The following FHIT variants were observed in gnomAD, a reference collection of about 807,000 sequenced individuals.
FHIT encodes the protein fragile histidine triad diadenosine triphosphatase.
In FHIT, 19 loss-of-function variants were observed where a neutral mutation model predicts 17.9. That is an observed-to-expected ratio of 1.06 (90% confidence interval 0.74 to 1.56). FHIT has a LOEUF of 1.56. Among genes scored for constraint, FHIT ranks in the 40% most tolerant of loss-of-function variants. The pLI, the probability that FHIT is intolerant of heterozygous loss-of-function variation, is 0.00. For synonymous variants in FHIT, 81 were observed against 69.7 expected (o/e 1.16, Z -0.81); for missense variants, 248 against 189.2 (o/e 1.31, Z -1.82).
At chr3:60,756,164 C>A (rs2042567081) in intron 4 of FHIT, among the ~76,000 whole-genome samples, 1 of 152,214 alleles carries the variant, frequency 6.6e-6, no homozygotes, top group African/African-American at 2.4e-5. Context: ...AGACAAAAAA[C>A]TTCAATGCAT....
chr3:59,909,259 C>G (rs1406902787), intron 8 of FHIT, among the ~76,000 whole-genome samples: 1 of 151,998 alleles, frequency 6.6e-6, no homozygotes, highest in African/African-American at 2.4e-5. Context: ...ATCTGGAACT[C>G]CTGATCTCAT....
intron 5 of FHIT, among the ~76,000 whole-genome samples, chr3:60,353,239 C>T (rs1268251753): frequency 6.6e-6 from 1 of 152,116 alleles, no homozygotes; most frequent in Non-Finnish European, 1.5e-5. Context: ...TCTCTAACTA[C>T]CTCTTCCATC....
chr3:60,561,940 G>C (rs1360838839), intron 4 of FHIT, among the ~76,000 whole-genome samples: 5 of 146,080 alleles, frequency 3.4e-5, no homozygotes, highest in Non-Finnish European at 4.5e-5. Context: ...AAAAGAGAAA[G>C]AGAGAAACAG....
At chr3:61,219,178 T>C (rs938767872) in intron 1 of FHIT, among the ~76,000 whole-genome samples, 2 of 152,144 alleles carry the variant, frequency 1.3e-5, no homozygotes, top group African/African-American at 4.8e-5. Context: ...ATGGTAAAAA[T>C]ATAGTATTAT....
At chr3:60,131,004 T>TATGTGTATATATACACATATATACAC (rs1699554722) in intron 5 of FHIT, among the ~76,000 whole-genome samples, 2 of 94,110 alleles carry the variant, frequency 2.1e-5, no homozygotes, top group African/African-American at 8.6e-5. Context: ...CATATATACA[T>TATGTGTATATATACACATATATACAC]ATGTGTATAT....
chr3:60,739,648 C>T (rs2042203848), intron 4 of FHIT, among the ~76,000 whole-genome samples: 1 of 152,186 alleles, frequency 6.6e-6, no homozygotes, highest in African/African-American at 2.4e-5. Context: ...TAGTAGCACA[C>T]ATACTCCCTC....
chr3:60,332,027 C>A (rs911680330), intron 5 of FHIT, among the ~76,000 whole-genome samples: 11 of 152,050 alleles, frequency 7.2e-5, no homozygotes, highest in Non-Finnish European at 1.6e-4. Context: ...GTGTATCCAA[C>A]AAGGGAGCTG....
intron 3 of FHIT, among the ~76,000 whole-genome samples, chr3:60,975,072 A>G (rs949329872): frequency 6.6e-6 from 1 of 152,194 alleles, no homozygotes; most frequent in African/African-American, 2.4e-5. Flanking sequence ...AAGGCTGCAA[A>G]TAAAATGAGA....
intron 5 of FHIT, among the ~76,000 whole-genome samples, chr3:60,238,119 C>CT (rs1704906023): frequency 1.4e-5 from 2 of 138,962 alleles, no homozygotes; most frequent in South Asian, 4.5e-4. Flanking sequence ...GCACTCCAGC[C>CT]TGGCACCAAG....
chr3:60,076,393 C>T (rs1028605390), intron 5 of FHIT, among the ~76,000 whole-genome samples: 3 of 152,000 alleles, frequency 2.0e-5, no homozygotes, highest in African/African-American at 7.2e-5. Context: ...TTTAAATAGC[C>T]AACTTATAAA....
chr3:61,180,301 T>C (rs975599064), intron 2 of FHIT, among the ~76,000 whole-genome samples: 4 of 152,360 alleles, frequency 2.6e-5, no homozygotes, highest in Admixed American at 6.5e-5. Context: ...TAGAGCAATG[T>C]GGTGAACTTT....
intron 5 of FHIT, among the ~76,000 whole-genome samples, chr3:60,470,974 G>T (rs1476402138): frequency 1.3e-5 from 2 of 152,174 alleles, no homozygotes; most frequent in Admixed American, 1.3e-4. Context: ...AAGGCAGCAG[G>T]TTCTCTTCCA....
intron 2 of FHIT, among the ~76,000 whole-genome samples, chr3:61,050,002 C>T (rs565239717): frequency 1.3e-5 from 2 of 152,200 alleles, no homozygotes; most frequent in African/African-American, 2.4e-5. Context: ...GATCACACTC[C>T]CAATCATATG....
chr3:60,116,026 G>T (rs1704942213), intron 5 of FHIT, among the ~76,000 whole-genome samples: 1 of 152,060 alleles, frequency 6.6e-6, no homozygotes, highest in South Asian at 2.1e-4. Context: ...TTAATAAATT[G>T]GAAGTGTATT....
rs6785999 is a variant in FHIT, at chr3:59,748,954, G to C, written c.*631C>G. On this transcript the variant is annotated 3_prime_UTR_variant, in exon 10 of 10. Transcript: ENST00000492590. ...CTCTGTGCATGTTGAGAATTGTGCA[G>C]TTTTGCAGAGTGAGCACCATGAATG... 0.13 allele frequency among the ~76,000 whole-genome samples: 20,258 copies of C among 152,116 alleles called. 1,582 individuals carry two copies. Among genetic ancestry groups the C allele is most frequent in the African/African-American group, 0.19 (7,987 of 41,476 alleles).
At chr3:59,888,351 T>C (rs1703713793) in intron 8 of FHIT, among the ~76,000 whole-genome samples, 1 of 152,222 alleles carries the variant, frequency 6.6e-6, no homozygotes, top group Non-Finnish European at 1.5e-5. Flanking sequence ...AGGAGAAAAG[T>C]GTATCTACAT....
intron 5 of FHIT, among the ~76,000 whole-genome samples, chr3:60,277,859 T>C (rs1707231982): frequency 6.6e-6 from 1 of 152,162 alleles, no homozygotes; most frequent in Admixed American, 6.5e-5. Context: ...AAATCTCGGA[T>C]ATTATCCCAG....
At chr3:61,187,374 G>A (rs143199008) in intron 2 of FHIT, among the ~76,000 whole-genome samples, 166 of 152,252 alleles carry the variant, frequency 1.1e-3, no homozygotes, top group African/African-American at 3.8e-3. Context: ...TCAACAAGAA[G>A]AGCTAACTAT....
chr3:60,536,572 C>G, intron 5 of FHIT: 1 of 305,204 alleles, frequency 3.3e-6, no homozygotes, highest in African/African-American at 2.1e-5. Context: ...ATTTACTCAG[C>G]TATGGTAGTG....
Sources: allele counts gnomAD v4.1 joint callset (sites outside exome capture counted in the v4.1 genomes callset), GRCh38; gene constraint gnomAD v4.1.1; transcripts MANE v1.5; gene names NCBI Gene and HGNC (gene_info 2026-07-23, HGNC 2026-07-21).